DACT2: variants seen among roughly 807,000 people sequenced by gnomAD.
DACT2 encodes dapper homolog 2.
DACT2 carries 20 observed loss-of-function variants against 22.2 expected under a neutral mutation model. The ratio of observed to expected loss-of-function variants is 0.90; its 90% CI spans 0.63 to 1.31. The LOEUF is 1.31. Among genes scored for constraint, DACT2 ranks in the 50% most tolerant of loss-of-function variants. The pLI is 0.00. For missense variants in DACT2, 1,048 were observed against 1,061.4 expected (o/e 0.99, Z 0.18); for synonymous variants, 463 against 479.8 (o/e 0.96, Z 0.46).
At chr6:168,298,409 G>C (rs1779043833) in intron 3 of DACT2, 1 of 152,190 alleles carries the variant, frequency 6.6e-6, no homozygotes, top group African/African-American at 2.4e-5. Context: ...TTTTAAATAT[G>C]TTTTTGAATA....
intron 3 of DACT2, among the ~76,000 whole-genome samples, chr6:168,309,404 C>T (rs999414197): frequency 1.8e-5 from 1 of 57,122 alleles, no homozygotes; most frequent in Non-Finnish European, 3.3e-5. Flanking sequence ...CTAGACACCG[C>T]ACAGGGCCGT....
In DACT2 at chr6:168,311,589, CACACACAT is replaced by C. The variant is rs371428589; in HGVS notation, c.247-313_247-306del. Among the ~76,000 whole-genome samples, 176 of 57,352 alleles carry C rather than the reference CACACACAT, an allele frequency of 3.1e-3. 4 individuals are homozygous for C. Among genetic ancestry groups the C allele is most frequent in the South Asian group, 8.2e-3 (11 of 1,344 alleles). 37.6% of individuals were successfully genotyped at this position (57,352 alleles called of 152,430 possible). A position where few individuals can be genotyped will look rare whatever the true frequency, so the allele number is the denominator to read the frequency against. On this transcript the variant is annotated intron_variant, in intron 1 of 3. Coordinates refer to ENST00000366795, the MANE Select transcript of DACT2 (RefSeq NM_214462.5). Reference sequence around the variant, plus strand: ...ACACAAACACACACACCCATCCACACACACACATACACACACACTCACACAAACACACA... The same window carrying C: ...ACACAAACACACACACCCATCCACACACACACACACTCACACAAACACACA...
downstream of DACT2, among the ~76,000 whole-genome samples, chr6:168,304,077 T>C (rs1214581443): frequency 6.6e-6 from 1 of 152,188 alleles, no homozygotes; most frequent in East Asian, 1.9e-4. Context: ...AAATTCTACA[T>C]TGTCTACTTT....
At position 168,308,338 on chromosome 6, in the gene DACT2, C is replaced by A; in HGVS notation, c.1419G>T (p.Pro473=). The change falls in exon 4 of 4, where the codon CCG becomes CCT. Residue 473 remains proline, a synonymous_variant. Transcript: ENST00000366795. Reference sequence around the variant, plus strand: ...ATGGGTGGGCAAAGTGCCCAGAGGCCGGTGAGGGGCTCTTGTCCAGCATCC... The same window carrying A: ...ATGGGTGGGCAAAGTGCCCAGAGGCAGGTGAGGGGCTCTTGTCCAGCATCC... The part of the protein sequence containing the change: ...PSRMLDKSPS[P]ASGHFAHPSF... 6.4e-7 allele frequency: 1 copy of A among 1,552,010 alleles called. No homozygotes were observed. The highest frequency in any genetic ancestry group is 8.7e-7 in the Non-Finnish European group (1 of 1,147,056).
chr6:168,308,081 C>A lies in DACT2; in HGVS notation c.1676G>T (p.Arg559Leu). 1 of 1,544,172 alleles carries A rather than the reference C, an allele frequency of 6.5e-7. No individual in the cohort carries two copies. The highest frequency in any genetic ancestry group is 1.2e-5 in the South Asian group (1 of 83,210). ...RPALAWEAPG[R>L]SCSESTLYPM... The stretch of plus-strand genomic sequence containing the variant: ...GTAGAGGGTGGACTCAGAACAGGAG[C>A]GCCCGGGTGCCTCCCAGGCCAGGGC... Residue 559 changes from arginine (R) to leucine (L), a missense_variant, in exon 4 of 4, where the codon CGC becomes CTC. Arg to Leu is a moderately radical substitution (Grantham distance 102). Coordinates refer to ENST00000366795, the MANE Select transcript of DACT2 (RefSeq NM_214462.5).
chr6:168,308,189 C>T lies in DACT2; in HGVS notation c.1568G>A (p.Gly523Glu). Residue 523 changes from glycine (G) to glutamate (E), a missense_variant, in exon 4 of 4, where the codon GGA becomes GAA. Transcript: ENST00000366795. Reference sequence around the variant, plus strand: ...GGATGGCTGGGGGGCTGCATGGGCTCCCTCAGGCCTGTCCAGTAGAAGCAG... The same window carrying T: ...GGATGGCTGGGGGGCTGCATGGGCTTCCTCAGGCCTGTCCAGTAGAAGCAG... Reference protein sequence around the residue: ...QPLLLLDRPEGAHAAPQPSLE... With the variant: ...QPLLLLDRPEEAHAAPQPSLE... 1 of 1,551,390 alleles carries T rather than the reference C, an allele frequency of 6.4e-7. No individual in the cohort carries two copies. The highest frequency in any genetic ancestry group is 8.7e-7 in the Non-Finnish European group (1 of 1,147,012).
chr6:168,308,463 C>T lies in DACT2; in HGVS notation c.1294G>A (p.Val432Ile), dbSNP rs1171273209. The part of the protein sequence containing the change: ...EEGSKPSNSC[V>I]LRETMVQASP... ...GCCTGCACCATGGTCTCCCTGAGGA[C>T]ACAGCTGTTTGAGGGCTTGGAGCCC... Residue 432 changes from valine to isoleucine, a missense_variant, in exon 4 of 4, where the codon GTC (valine) becomes ATC (isoleucine). Val to Ile is a conservative substitution (Grantham distance 29, BLOSUM62 3). Coordinates refer to ENST00000366795, the MANE Select transcript of DACT2 (RefSeq NM_214462.5). 5 of 1,551,650 alleles carry T rather than the reference C, an allele frequency of 3.2e-6. No individual in the cohort carries two copies. The highest frequency in any genetic ancestry group is 2.0e-5 in the Admixed American group (1 of 51,006).
At chr6:168,303,027 C>T (rs572789169), downstream of DACT2, among the ~76,000 whole-genome samples, 1 of 152,194 alleles carries the variant, frequency 6.6e-6, no homozygotes, top group African/African-American at 2.4e-5. Context: ...AAAAACTAGG[C>T]ACCATCACAT....
rs1368335549 is a variant in DACT2, at chr6:168,319,625, C to A, written c.9G>T (p.Thr3=). 2.3e-6 allele frequency: 3 copies of A among 1,295,044 alleles called. No individual in the cohort carries two copies. Among genetic ancestry groups the A allele is most frequent in the Non-Finnish European group, 2.0e-6 (2 of 1,020,128 alleles). The allele number at this position is 1,295,044 out of a possible 1,614,324, so 80.2% of individuals were successfully genotyped here. MW[T]PGGPPGSAGW... ...CCGCGGACCCCGGGGGTCCGCCCGG[C>A]GTCCACATCTCCCGGGCAGGGTCCC... is the stretch of plus-strand genomic sequence containing the variant. The change falls in exon 1 of 4, where the codon ACG becomes ACT. Residue 3 remains threonine, a synonymous_variant. Transcript: ENST00000366795.
At position 168,319,566 on chromosome 6, in the gene DACT2, C is replaced by T; in HGVS notation, c.68G>A (p.Arg23His). ...CTCCTGCAGCCCCGCGAACGCCGCG[C>T]GCAACCTCGCGCCCAACCTACGGCG... ...WDRRRLGARL[R>H]AAFAGLQELQ... The change falls in exon 1 of 4, where the codon CGC (arginine) becomes CAC (histidine). Residue 23 changes from arginine to histidine, a missense_variant. Arg to His is a conservative substitution (Grantham distance 29). Transcript: ENST00000366795. 7.3e-7 allele frequency: 1 copy of T among 1,377,580 alleles called. No homozygotes were observed. Among genetic ancestry groups the T allele is most frequent in the Non-Finnish European group, 9.5e-7 (1 of 1,057,896 alleles). 85.3% of individuals were successfully genotyped at this position (1,377,580 alleles called of 1,614,324 possible).
chr6:168,311,090 C>A, intron 2 of DACT2, 62 bp downstream of exon 2: 1 of 1,457,346 alleles, frequency 6.9e-7, no homozygotes, highest in Non-Finnish European at 9.1e-7. Flanking sequence ...GCGGGATAGG[C>A]TTCACCTCTG....
Position 168,309,013 on chromosome 6 carries a change from C to G in DACT2, c.744G>C (p.Gly248=), listed in dbSNP as rs1461905767. 6.5e-7 allele frequency: 1 copy of G among 1,548,016 alleles called. No individual in the cohort carries two copies. The highest frequency in any genetic ancestry group is 1.4e-5 in the African/African-American group (1 of 73,066). ...CCGGCACGTGCAGCGGGATATCCAC[C>G]CCCTGGCAGAGGAGCCCGAGGAGCT... ...DAELLGLLCQ[G]VDIPLHVPDP... is the part of the protein sequence containing the mutation. The change falls in exon 4 of 4, where the codon GGG becomes GGC. Residue 248 remains glycine, a synonymous_variant. Transcript: ENST00000366795.
At chr6:168,312,955 C>G (rs895623205) in intron 1 of DACT2, among the ~76,000 whole-genome samples, 1 of 152,234 alleles carries the variant, frequency 6.6e-6, no homozygotes, top group Non-Finnish European at 1.5e-5. Flanking sequence ...ACCCAGCACA[C>G]AGCTTCTGTG....
At chr6:168,311,551 T>TACAC (rs778387834) in intron 1 of DACT2, among the ~76,000 whole-genome samples, 2,784 of 97,860 alleles carry the variant, frequency 0.028, 59 homozygotes, top group Non-Finnish European at 0.042. Flanking sequence ...CACACACACA[T>TACAC]ACACACACTC....
chr6:168,303,233 T>C (rs946863457), downstream of DACT2, among the ~76,000 whole-genome samples: 5 of 152,288 alleles, frequency 3.3e-5, no homozygotes, highest in Non-Finnish European at 5.9e-5. Context: ...AACCTCGGAT[T>C]CTGTCATAAG....
Position 168,308,918 on chromosome 6 carries a change from T to G in DACT2, c.839A>C (p.His280Pro). The G allele has an allele frequency of 6.4e-7, 1 of 1,550,498 alleles. No homozygotes were observed. The highest frequency in any genetic ancestry group is 8.7e-7 in the Non-Finnish European group (1 of 1,146,874). The change falls in exon 4 of 4, where the codon CAC becomes CCC. Residue 280 changes from histidine (H) to proline (P), a missense_variant. His to Pro is a moderately conservative substitution (Grantham distance 77). Transcript: ENST00000366795. ...CAGGGGGCTCTGTAGAGCCACGGCGTGCAGGGGGCTGGGGTACGGGTACAC... is the reference window on the plus strand; with the variant it reads ...CAGGGGGCTCTGTAGAGCCACGGCGGGCAGGGGGCTGGGGTACGGGTACAC... Reference protein sequence around the residue: ...REVYPYPSPLHAVALQSPLFV... With the variant: ...REVYPYPSPLPAVALQSPLFV...
downstream of DACT2, among the ~76,000 whole-genome samples, chr6:168,303,139 G>C (rs887056725): frequency 1.4e-4 from 22 of 152,110 alleles, no homozygotes; most frequent in African/African-American, 4.6e-4. Flanking sequence ...CGTAAGGTGG[G>C]ACGGCATTAA....
At position 168,308,222 on chromosome 6, in the gene DACT2, C is replaced by A. The variant is rs1167344002; in HGVS notation, c.1535G>T (p.Arg512Met). 4 of 1,551,934 alleles carry A rather than the reference C, an allele frequency of 2.6e-6. No individual in the cohort carries two copies. Among genetic ancestry groups the A allele is most frequent in the Non-Finnish European group, 3.5e-6 (4 of 1,147,056 alleles). Residue 512 changes from arginine (R) to methionine (M), a missense_variant, in exon 4 of 4, where the codon AGG (arginine) becomes ATG (methionine). Arg to Met is a moderately conservative substitution (Grantham distance 91). Coordinates refer to ENST00000366795, the MANE Select transcript of DACT2 (RefSeq NM_214462.5). Reference sequence around the variant, plus strand: ...CCTGTCCAGTAGAAGCAGCGGCTGCCTTGCAAACCTCAGCACCTTGTCCAT... The same window carrying A: ...CCTGTCCAGTAGAAGCAGCGGCTGCATTGCAAACCTCAGCACCTTGTCCAT... The part of the protein sequence containing the change: ...SPMDKVLRFA[R>M]QPLLLLDRPE...
Position 168,307,521 on chromosome 6 carries a change from T to G in DACT2, c.2236A>C (p.Lys746Gln), listed in dbSNP as rs1779241638. ...SSGPLLSPVP[K>Q]LCRIKASKAL... ...TTGGAGGCCTTAATACGGCACAGCT[T>G]GGGCACGGGGGACAGGAGTGGCCCC... The change falls in exon 4 of 4, where the codon AAG becomes CAG. Residue 746 changes from lysine to glutamine, a missense_variant. Coordinates refer to ENST00000366795, the MANE Select transcript of DACT2 (RefSeq NM_214462.5). This position sits in a 1 kb window ranked among gnomAD's most constrained non-coding sequence, Gnocchi z 5.3. 6.4e-7 allele frequency: 1 copy of G among 1,551,384 alleles called. No homozygotes were observed. Among genetic ancestry groups the G allele is most frequent in the Non-Finnish European group, 8.7e-7 (1 of 1,146,936 alleles).
Sources: allele counts gnomAD v4.1 joint callset (sites outside exome capture counted in the v4.1 genomes callset), GRCh38; gene constraint gnomAD v4.1.1; non-coding constraint Gnocchi (gnomAD v3.1); transcripts MANE v1.5; gene names NCBI Gene and HGNC (gene_info 2026-07-23, HGNC 2026-07-21).